MUCL1: variants seen among roughly 807,000 people sequenced by gnomAD.
MUCL1 encodes the protein mucin-like protein 1.
A neutral mutation model predicts 9.2 loss-of-function variants in MUCL1; 11 were observed. The ratio of observed to expected loss-of-function variants is 1.19; its 90% CI spans 0.75 to 1.97. The LOEUF is 1.97. MUCL1 is among the 30% of genes most tolerant of loss of function. The pLI is 0.00. For missense variants in MUCL1, 144 were observed against 110.9 expected, an observed-to-expected ratio of 1.30 and a Z score of -1.34; for synonymous variants, 48 against 40.5, an observed-to-expected ratio of 1.19 and a Z score of -0.71.
At chr12:54,835,905 C>T (rs1592245011), upstream of MUCL1, among the ~76,000 whole-genome samples, 1 of 152,102 alleles carries the variant, frequency 6.6e-6, no homozygotes, top group Admixed American at 6.6e-5. Context: ...ATATGTGGAA[C>T]CATCCCTGCA....
At chr12:54,848,537 T>A (rs1036201779) in intron 1 of MUCL1, among the ~76,000 whole-genome samples, 4 of 152,180 alleles carry the variant, frequency 2.6e-5, no homozygotes, top group African/African-American at 7.2e-5. Context: ...TTGGAAAACT[T>A]TTTTATTTTT....
chr12:54,850,303 TC>T (rs1250451392), upstream of MUCL1, among the ~76,000 whole-genome samples: 155 of 123,428 alleles, frequency 1.3e-3, no homozygotes, highest in African/African-American at 5.3e-3. Flanking sequence ...ATGCTATCCC[TC>T]CCCCCTCCCC....
intron 1 of MUCL1, among the ~76,000 whole-genome samples, chr12:54,845,467 C>T (rs575266291): frequency 6.6e-4 from 100 of 152,202 alleles, no homozygotes; most frequent in South Asian, 5.6e-3. Context: ...AAAGAGGTGG[C>T]GACGGTTTCC....
chr12:54,854,216 C>T (rs530245659), upstream of MUCL1, among the ~76,000 whole-genome samples: 2 of 152,324 alleles, frequency 1.3e-5, no homozygotes, highest in South Asian at 4.1e-4. Flanking sequence ...GGTTATGGGG[C>T]ATCTCCAACC....
upstream of MUCL1, among the ~76,000 whole-genome samples, chr12:54,837,925 T>C (rs1959195890): frequency 6.6e-6 from 1 of 152,256 alleles, no homozygotes; most frequent in Non-Finnish European, 1.5e-5. Context: ...GTTACATTCA[T>C]ATACATATTT....
intron 1 of MUCL1, among the ~76,000 whole-genome samples, chr12:54,841,314 G>T (rs762916479): frequency 6.6e-6 from 1 of 152,254 alleles, no homozygotes; most frequent in South Asian, 2.1e-4. Context: ...CACATGAAGG[G>T]GCACAGATAT....
intron 1 of MUCL1, among the ~76,000 whole-genome samples, chr12:54,847,197 C>T (rs1959269483): frequency 1.3e-5 from 2 of 152,152 alleles, no homozygotes; most frequent in Admixed American, 6.5e-5. Flanking sequence ...TCTCATGTAT[C>T]AAGAAGTAAC....
upstream of MUCL1, among the ~76,000 whole-genome samples, chr12:54,835,672 C>T (rs762063482): frequency 6.7e-6 from 1 of 149,650 alleles, no homozygotes; most frequent in Admixed American, 6.7e-5. Context: ...CGTGGGAATG[C>T]TTTCAACTTT....
upstream of MUCL1, among the ~76,000 whole-genome samples, chr12:54,839,168 G>C (rs981515379): frequency 7.2e-5 from 11 of 151,800 alleles, no homozygotes; most frequent in Admixed American, 2.0e-4. Context: ...TTGGCTCTGG[G>C]TGCTTTCAAA....
chr12:54,847,484 G>A (rs1194205674), intron 1 of MUCL1, among the ~76,000 whole-genome samples: 3 of 152,132 alleles, frequency 2.0e-5, no homozygotes, highest in East Asian at 3.9e-4. Context: ...TCATGGCGGT[G>A]CATGCCTGTA....
At chr12:54,852,055 C>T (rs1868252462), upstream of MUCL1, among the ~76,000 whole-genome samples, 1 of 152,124 alleles carries the variant, frequency 6.6e-6, no homozygotes, top group Non-Finnish European at 1.5e-5. Context: ...TTGGAAGAAT[C>T]AATATTGTGA....
upstream of MUCL1, among the ~76,000 whole-genome samples, chr12:54,834,678 A>G (rs924692401): frequency 2.0e-5 from 3 of 151,550 alleles, no homozygotes; most frequent in Non-Finnish European, 4.4e-5. Flanking sequence ...ATCATAATGA[A>G]CTAACTGTGT....
upstream of MUCL1, among the ~76,000 whole-genome samples, chr12:54,852,080 C>T (rs934436827): frequency 7.9e-4 from 120 of 152,254 alleles, no homozygotes; most frequent in Admixed American, 1.8e-3. Context: ...GGCCATACTG[C>T]CCAAGGTAAT....
intron 1 of MUCL1, among the ~76,000 whole-genome samples, chr12:54,849,296 T>C (rs1294285353): frequency 6.6e-6 from 1 of 152,094 alleles, no homozygotes; most frequent in African/African-American, 2.4e-5. Context: ...GTATGAAATA[T>C]TAGCCATAAA....
At chr12:54,853,593 CT>C (rs930479808), upstream of MUCL1, among the ~76,000 whole-genome samples, 45 of 152,226 alleles carry the variant, frequency 3.0e-4, no homozygotes, top group Non-Finnish European at 2.6e-4. Context: ...TCAGTAATGC[CT>C]TTTTTGGTCA....
At chr12:54,853,483 G>C (rs1481559087), upstream of MUCL1, among the ~76,000 whole-genome samples, 1 of 152,166 alleles carries the variant, frequency 6.6e-6, no homozygotes, top group Non-Finnish European at 1.5e-5. Context: ...ACTCACCATT[G>C]CTTTCCTTCA....
At chr12:54,848,323 G>A (rs1303619294) in intron 1 of MUCL1, among the ~76,000 whole-genome samples, 2 of 151,984 alleles carry the variant, frequency 1.3e-5, no homozygotes, top group Admixed American at 6.6e-5. Context: ...AATGATTAGG[G>A]CAGGTTTGTG....
chr12:54,849,946 C>T (rs1959312008), upstream of MUCL1, among the ~76,000 whole-genome samples: 1 of 152,200 alleles, frequency 6.6e-6, no homozygotes, highest in Admixed American at 6.5e-5. Flanking sequence ...ATGTCCTCTG[C>T]ACACTCAGGC....
upstream of MUCL1, among the ~76,000 whole-genome samples, chr12:54,837,905 T>A (rs1224481748): frequency 6.6e-6 from 1 of 152,260 alleles, no homozygotes; most frequent in African/African-American, 2.4e-5. Context: ...ATTTAGACCA[T>A]TTACATTCAG....
Sources: allele counts gnomAD v4.1 joint callset (sites outside exome capture counted in the v4.1 genomes callset), GRCh38; gene constraint gnomAD v4.1.1; transcripts MANE v1.5; gene names NCBI Gene and HGNC (gene_info 2026-07-23, HGNC 2026-07-21).